The following DLGAP1 variants were observed in gnomAD, a reference collection of about 807,000 sequenced individuals.
The protein encoded by DLGAP1 is DLG associated protein 1.
A neutral mutation model predicts 90.8 loss-of-function variants in DLGAP1; 11 were observed. That is an observed-to-expected ratio of 0.12 (90% confidence interval 0.08 to 0.20). DLGAP1 has a LOEUF of 0.20. Among genes scored for constraint, DLGAP1 ranks in the 10% least tolerant of loss-of-function variants. The pLI is 1.00. For synonymous variants in DLGAP1, 558 were observed against 540.7 expected, an observed-to-expected ratio of 1.03 and a Z score of -0.44; for missense variants, 1,050 against 1,333.8, an observed-to-expected ratio of 0.79 and a Z score of 3.31.
chr18:3,836,982 A>G (rs1365978172), intron 4 of DLGAP1, among the ~76,000 whole-genome samples: 7 of 152,352 alleles, frequency 4.6e-5, no homozygotes, highest in Admixed American at 3.3e-4. Flanking sequence ...TGGCTACAGG[A>G]GAACTCAGAA....
chr18:3,794,090 C>T (rs1465335659), intron 5 of DLGAP1, among the ~76,000 whole-genome samples: 1 of 152,184 alleles, frequency 6.6e-6, no homozygotes, highest in East Asian at 1.9e-4. Flanking sequence ...GAGGACACCA[C>T]ATATACTTAA....
chr18:4,405,327 A>G (rs1433065190), intron 1 of DLGAP1, among the ~76,000 whole-genome samples: 2 of 152,184 alleles, frequency 1.3e-5, no homozygotes, highest in East Asian at 3.9e-4. Flanking sequence ...CATAGATGAC[A>G]GATTTACAAT....
intron 5 of DLGAP1, among the ~76,000 whole-genome samples, chr18:3,773,519 G>A (rs1272953004): frequency 6.6e-6 from 1 of 152,162 alleles, no homozygotes; most frequent in Non-Finnish European, 1.5e-5. Flanking sequence ...TGCAAGAATT[G>A]AGCAATTGGG....
chr18:3,548,119 G>A (rs925156923), intron 9 of DLGAP1, among the ~76,000 whole-genome samples: 2 of 152,118 alleles, frequency 1.3e-5, no homozygotes, highest in South Asian at 2.1e-4. Context: ...AGTACTAATG[G>A]GTATGAGATT....
intron 7 of DLGAP1, among the ~76,000 whole-genome samples, chr18:3,688,614 GACACACACACACACACAC>G (rs60415611): frequency 3.0e-5 from 3 of 100,684 alleles, no homozygotes; most frequent in African/African-American, 5.0e-5. Context: ...ATTAAAAAAA[GACACACACACACACACAC>G]ACACACACAC....
intron 2 of DLGAP1, among the ~76,000 whole-genome samples, chr18:4,101,848 ATGCATT>A (rs976714458): frequency 6.6e-6 from 1 of 151,908 alleles, no homozygotes; most frequent in Non-Finnish European, 1.5e-5. Context: ...ATAAATCCAT[ATGCATT>A]TGTACATATA....
chr18:3,989,124 G>A (rs908350429), intron 3 of DLGAP1, among the ~76,000 whole-genome samples: 5 of 152,322 alleles, frequency 3.3e-5, no homozygotes, highest in African/African-American at 1.2e-4. Flanking sequence ...TGGAGGGAAG[G>A]GAGTTGCTGG....
intron 2 of DLGAP1, among the ~76,000 whole-genome samples, chr18:4,121,632 T>C (rs990301471): frequency 2.0e-5 from 3 of 152,040 alleles, no homozygotes; most frequent in Admixed American, 1.3e-4. Context: ...CAATTTCCCA[T>C]CCACTGACCC....
At chr18:4,231,308 C>T (rs1598675889) in intron 1 of DLGAP1, among the ~76,000 whole-genome samples, 1 of 152,098 alleles carries the variant, frequency 6.6e-6, no homozygotes, top group Non-Finnish European at 1.5e-5. Flanking sequence ...TCCATTAGCC[C>T]CCTTTCCAAA....
chr18:4,053,628 G>A (rs566388699), intron 2 of DLGAP1, among the ~76,000 whole-genome samples: 117 of 152,256 alleles, frequency 7.7e-4, no homozygotes, highest in African/African-American at 2.6e-3. Context: ...ATGTGAAGAG[G>A]TGCCTGCTTC....
chr18:3,907,225 C>A (rs1364195166), intron 3 of DLGAP1, among the ~76,000 whole-genome samples: 1 of 152,162 alleles, frequency 6.6e-6, no homozygotes, highest in Non-Finnish European at 1.5e-5. Flanking sequence ...ATTAGGAAAA[C>A]CAAAGCACTA....
chr18:3,795,124 C>A (rs1194743418), intron 5 of DLGAP1, among the ~76,000 whole-genome samples: 1 of 152,164 alleles, frequency 6.6e-6, no homozygotes, highest in Non-Finnish European at 1.5e-5. Context: ...ATATATAACT[C>A]ATTCTAGCCA....
intron 1 of DLGAP1, among the ~76,000 whole-genome samples, chr18:4,282,582 G>A (rs936868139): frequency 6.6e-6 from 1 of 152,146 alleles, no homozygotes; most frequent in African/African-American, 2.4e-5. Flanking sequence ...TCTGATGTAT[G>A]TTTAGCACTG....
In DLGAP1 at chr18:3,499,186, C is replaced by T; in HGVS notation, c.2933G>A (p.Ter978=). ...IYIPEAQTRL[*] ...GGCGGCGGCCGGGCTGCGGGGCGCT[C>T]AGAGCCGGGTCTGCGCCTCGGGGAT... Residue 978 remains the stop codon, a stop_retained_variant, in exon 13 of 13, where the codon TGA becomes TAA. Coordinates refer to ENST00000315677, the MANE Select transcript of DLGAP1 (RefSeq NM_004746.4). This position sits in a 1 kb window ranked among gnomAD's most constrained non-coding sequence, Gnocchi z 6.4. 5 of 1,569,594 alleles carry T rather than the reference C, an allele frequency of 3.2e-6. No individual in the cohort carries two copies. Among genetic ancestry groups the T allele is most frequent in the Non-Finnish European group, 4.3e-6 (5 of 1,163,992 alleles).
intron 7 of DLGAP1, among the ~76,000 whole-genome samples, chr18:3,692,853 A>G (rs1371494068): frequency 6.6e-6 from 1 of 152,210 alleles, no homozygotes; most frequent in Non-Finnish European, 1.5e-5. Context: ...CAGAACTAGC[A>G]AATGAGGTGG....
chr18:4,176,199 C>G (rs1225459204), intron 1 of DLGAP1, among the ~76,000 whole-genome samples: 1 of 152,146 alleles, frequency 6.6e-6, no homozygotes, highest in African/African-American at 2.4e-5. Flanking sequence ...TGATTAATTT[C>G]ATCAGTCCCT....
At chr18:4,208,285 A>G (rs1598622746) in intron 1 of DLGAP1, among the ~76,000 whole-genome samples, 2 of 152,232 alleles carry the variant, frequency 1.3e-5, no homozygotes. Context: ...AAAATATTAT[A>G]AATTGTAATT....
At chr18:3,589,280 T>C (rs1022029685) in intron 7 of DLGAP1, among the ~76,000 whole-genome samples, 1 of 152,248 alleles carries the variant, frequency 6.6e-6, no homozygotes, top group African/African-American at 2.4e-5. Context: ...GAAGATGTTC[T>C]GGCAAATTAT....
intron 3 of DLGAP1, among the ~76,000 whole-genome samples, chr18:3,885,742 AC>A (rs1021506922): frequency 6.6e-6 from 1 of 152,166 alleles, no homozygotes; most frequent in Non-Finnish European, 1.5e-5. Context: ...TTACCATTGT[AC>A]CATGTCTCCT....
Sources: gnomAD v4.1 joint callset for allele counts (sites outside exome capture counted in the v4.1 genomes callset) on GRCh38, gnomAD v4.1.1 for gene constraint, Gnocchi (gnomAD v3.1) non-coding constraint, MANE v1.5 for transcripts, NCBI Gene and HGNC (gene_info 2026-07-23, HGNC 2026-07-21) for gene names.